The following ZC3H6 variants were observed in gnomAD, a reference collection of about 807,000 sequenced individuals.
ZC3H6 encodes the protein zinc finger CCCH-type containing 6.
In ZC3H6, 40 loss-of-function variants were observed where a neutral mutation model predicts 107.7. The ratio of observed to expected loss-of-function variants is 0.37; its 90% confidence interval spans 0.29 to 0.48. The LOEUF is 0.48. Among genes scored for constraint, ZC3H6 ranks in the 20% least tolerant of loss-of-function variants. ZC3H6 has a pLI of 0.98. For synonymous variants in ZC3H6, 493 were observed against 487.9 expected, an observed-to-expected ratio of 1.01 and a Z score of -0.14; for missense variants, 1,267 against 1,410.4, an observed-to-expected ratio of 0.90 and a Z score of 1.63.
intron 11 of ZC3H6, among the ~76,000 whole-genome samples, chr2:112,330,468 AG>A (rs1677005315): frequency 6.6e-6 from 1 of 152,262 alleles, no homozygotes; most frequent in Non-Finnish European, 1.5e-5. Context: ...TCATTTGCTC[AG>A]TTTCCATTGC....
In ZC3H6 at chr2:112,322,955, A is replaced by T. The variant is rs75372318; in HGVS notation, c.1340+53A>T. 3.2e-3 allele frequency: 4,760 copies of T among 1,510,198 alleles called. 133 individuals are homozygous for T. In the African/African-American group the frequency reaches 0.058, roughly 18 times the overall value. The allele number at this position is 1,510,198 out of a possible 1,614,324, so 93.5% of individuals were successfully genotyped here. ...CAAATATTTTTTTCTGAAAATTATC[A>T]TTAAGAAACTAAGTCATACTCCAAG... is the stretch of plus-strand genomic sequence containing the variant. On this transcript the variant is annotated intron_variant, in intron 9 of 11. Transcript: ENST00000409871.
At chr2:112,326,543 C>G (rs1443520573) in intron 11 of ZC3H6, among the ~76,000 whole-genome samples, 1 of 152,154 alleles carries the variant, frequency 6.6e-6, no homozygotes, top group East Asian at 1.9e-4. Flanking sequence ...GACAGGATCT[C>G]ATTCTTCTTA....
intron 8 of ZC3H6, 129 bp from the exon 9 acceptor site, chr2:112,322,520 C>G (rs747066345): frequency 2.0e-5 from 21 of 1,027,750 alleles, no homozygotes; most frequent in Non-Finnish European, 2.9e-5. Context: ...AGATTAAAGG[C>G]GTGAGCCACT....
At chr2:112,298,751 G>A (rs569502891) in intron 1 of ZC3H6, among the ~76,000 whole-genome samples, 28 of 152,218 alleles carry the variant, frequency 1.8e-4, no homozygotes, top group South Asian at 8.3e-4. Flanking sequence ...ACAAATTGTC[G>A]TATGCACACC....
intron 3 of ZC3H6, among the ~76,000 whole-genome samples, chr2:112,308,547 C>G: frequency 6.7e-6 from 1 of 150,344 alleles, no homozygotes; most frequent in East Asian, 2.0e-4. Flanking sequence ...TCTCCTGCCT[C>G]AGACTCCTGA....
chr2:112,276,163 T>C (rs1686415400), intron 1 of ZC3H6, 137 bp downstream of exon 1: 15 of 630,166 alleles, frequency 2.4e-5, no homozygotes, highest in Admixed American at 3.8e-5. Context: ...ACGCGCACTC[T>C]TATGTAAACT....
At chr2:112,324,127 G>C (rs549623301) in intron 9 of ZC3H6, 25 bp from the exon 10 acceptor site, 2 of 1,528,056 alleles carry the variant, frequency 1.3e-6, no homozygotes, top group African/African-American at 1.4e-5. Flanking sequence ...TTTGAACTAA[G>C]AAATATTATT....
At chr2:112,295,563 C>T (rs1333744068) in intron 1 of ZC3H6, among the ~76,000 whole-genome samples, 1 of 152,140 alleles carries the variant, frequency 6.6e-6, no homozygotes, top group African/African-American at 2.4e-5. Flanking sequence ...GAGTCTCCTT[C>T]TCTTTCCATT....
rs1677061408 is a variant in ZC3H6 at position 112,332,736 on chromosome 2, G to A, written c.*248G>A. The A allele has an allele frequency of 6.7e-6, 2 of 297,800 alleles. No individual in the cohort carries two copies. Among genetic ancestry groups the A allele is most frequent in the Non-Finnish European group, 1.2e-5 (2 of 163,852 alleles). The allele number at this position is 297,800 out of a possible 1,614,324, so 18.4% of individuals were successfully genotyped here. A position where few individuals can be genotyped will look rare whatever the true frequency, so the allele number is the denominator to read the frequency against. On this transcript the variant is annotated 3_prime_UTR_variant, in exon 12 of 12. Coordinates refer to ENST00000409871, the MANE Select transcript of ZC3H6 (RefSeq NM_198581.3). Reference sequence around the variant, plus strand: ...TAGCTTCAGTAAAAGTACTTTTATTGTAAATAAACAATCATGAACTCAACA... The same window carrying A: ...TAGCTTCAGTAAAAGTACTTTTATTATAAATAAACAATCATGAACTCAACA...
intron 11 of ZC3H6, among the ~76,000 whole-genome samples, chr2:112,329,338 A>G (rs1676976082): frequency 6.6e-6 from 1 of 152,184 alleles, no homozygotes; most frequent in African/African-American, 2.4e-5. Context: ...AAATATATTG[A>G]TATGGGAATG....
chr2:112,316,090 A>G (rs1676690049), intron 5 of ZC3H6, among the ~76,000 whole-genome samples: 1 of 152,204 alleles, frequency 6.6e-6, no homozygotes, highest in Non-Finnish European at 1.5e-5. Context: ...AAATAATCCC[A>G]AAAAGTACAA....
chr2:112,337,217 T>A lies in ZC3H6; in HGVS notation c.*4729T>A, dbSNP rs1200284953. ...CCAGACTTACAAGATTACTTCATGG[T>A]GAAAGTTTGGATTGATCAATAATTT... On this transcript the variant is annotated 3_prime_UTR_variant, in exon 12 of 12. Transcript: ENST00000409871. 1 of 152,140 alleles carries A rather than the reference T, an allele frequency of 6.6e-6. No individual in the cohort carries two copies. Among genetic ancestry groups the A allele is most frequent in the Non-Finnish European group, 1.5e-5 (1 of 68,024 alleles). 9.4% of individuals were successfully genotyped at this position (152,140 alleles called of 1,614,324 possible). A position where few individuals can be genotyped will look rare whatever the true frequency, so the allele number is the denominator to read the frequency against.
rs1395807145 is a variant in ZC3H6 at position 112,311,953 on chromosome 2, G to A, written c.747+16G>A. ...CTTTCAAGAGGTACTAAGAATTTAT[G>A]TATAAGGAGGGGAGGAGCTTTTTCA... On this transcript the variant is annotated intron_variant, in intron 5 of 11. Coordinates refer to ENST00000409871, the MANE Select transcript of ZC3H6 (RefSeq NM_198581.3). The A allele has an allele frequency of 9.5e-6, 15 of 1,584,440 alleles. No homozygotes were observed. Among genetic ancestry groups the A allele is most frequent in the Non-Finnish European group, 1.3e-5 (15 of 1,164,734 alleles).
intron 1 of ZC3H6, among the ~76,000 whole-genome samples, chr2:112,284,613 A>G (rs1445810655): frequency 2.0e-5 from 3 of 151,618 alleles, no homozygotes; most frequent in African/African-American, 7.3e-5. Context: ...ACATACAGAC[A>G]CTAAATTGAG....
chr2:112,319,189 G>T (rs1676754964), intron 7 of ZC3H6, among the ~76,000 whole-genome samples: 1 of 152,164 alleles, frequency 6.6e-6, no homozygotes, highest in Non-Finnish European at 1.5e-5. Context: ...GGGTGGTAAT[G>T]AAGTCGTGAT....
rs1011947267 is a variant in ZC3H6 at position 112,275,940 on chromosome 2, G to C, written c.-55G>C. ...GCGCGGGGGGTCTTCCCCGCGCCCC[G>C]CCGCCGCCGGCCTCGCAGACCTGCC... On this transcript the variant is annotated 5_prime_UTR_variant, in exon 1 of 12. Coordinates refer to ENST00000409871, the MANE Select transcript of ZC3H6 (RefSeq NM_198581.3). 12 of 1,469,710 alleles carry C rather than the reference G, an allele frequency of 8.2e-6. No homozygotes were observed. Among genetic ancestry groups the C allele is most frequent in the African/African-American group, 3.0e-5 (2 of 67,766 alleles). 91.0% of individuals were successfully genotyped at this position (1,469,710 alleles called of 1,614,324 possible).
At chr2:112,322,274 C>T (rs973923872) in intron 8 of ZC3H6, among the ~76,000 whole-genome samples, 1 of 151,374 alleles carries the variant, frequency 6.6e-6, no homozygotes, top group Non-Finnish European at 1.5e-5. Context: ...GGTGTAGTGG[C>T]GTGATCTTAG....
At chr2:112,308,403 AT>A (rs138682025) in intron 3 of ZC3H6, among the ~76,000 whole-genome samples, 10 of 108,722 alleles carry the variant, frequency 9.2e-5, no homozygotes, top group East Asian at 3.0e-4. Context: ...ATTTTATTTT[AT>A]TTTATTTATT....
chr2:112,313,039 AAAG>A (rs1230408083), intron 5 of ZC3H6, among the ~76,000 whole-genome samples: 2 of 152,140 alleles, frequency 1.3e-5, no homozygotes, highest in Non-Finnish European at 2.9e-5. Flanking sequence ...TGACCTAAAA[AAAG>A]AAGGTCAGAC....
Sources: allele counts gnomAD v4.1 joint callset (sites outside exome capture counted in the v4.1 genomes callset), GRCh38; gene constraint gnomAD v4.1.1; transcripts MANE v1.5; gene names NCBI Gene and HGNC (gene_info 2026-07-23, HGNC 2026-07-21).